Variants in MAP7D3 observed in about 807,000 individuals in gnomAD.
MAP7D3 encodes the protein MAP7 domain-containing protein 3.
Under a neutral mutation model 62.2 loss-of-function variants are expected in MAP7D3, and 45 were observed. That is an observed-to-expected ratio of 0.72 (90% CI 0.57 to 0.93). MAP7D3 has a LOEUF of 0.93. Ranked by LOEUF, MAP7D3 falls within the 40% of genes least tolerant of loss-of-function variation. MAP7D3 has a pLI of 0.00. For missense variants in MAP7D3, 711 were observed against 683.1 expected, an observed-to-expected ratio of 1.04 and a Z score of -0.45; for synonymous variants, 288 against 248.8, an observed-to-expected ratio of 1.16 and a Z score of -1.48.
At position 136,240,412 on chromosome X, in the gene MAP7D3, A is replaced by G. The variant is rs1265697932; in HGVS notation, c.610T>C (p.Ser204Pro). 8.3e-7 allele frequency: 1 copy of G among 1,204,873 alleles called. No homozygotes were observed. Among genetic ancestry groups the G allele is most frequent in the East Asian group, 3.0e-5 (1 of 33,833 alleles). ...GCAACGGAATTTTGAAGGCCTGCAG[A>G]TGACAAAGGCATTTGTCTGATTAAA... ...SALIRQMPLS[S>P]AGLQNSVAKR... Residue 204 changes from serine to proline, a missense_variant, in exon 6 of 19, where the codon TCT becomes CCT. Transcript: ENST00000316077.
At chrX:136,221,368 C>G (rs1283780446) in intron 15 of MAP7D3, among the ~76,000 whole-genome samples, 1 of 111,824 alleles carries the variant, frequency 8.9e-6, no homozygotes, top group Admixed American at 9.4e-5. Flanking sequence ...CTCTGTTGCC[C>G]AGGCTGGAGT....
At chrX:136,255,940 T>C, upstream of MAP7D3, 1 of 344,412 alleles carries the variant, frequency 2.9e-6, no homozygotes, top group Non-Finnish European at 3.8e-6. Flanking sequence ...TGAAGTTTTT[T>C]AAAAAATTGA....
chrX:136,223,018 G>A lies in MAP7D3; in HGVS notation c.2194-532C>T, dbSNP rs913891324. On this transcript the variant is annotated intron_variant, in intron 14 of 18. Coordinates refer to ENST00000316077, the MANE Select transcript of MAP7D3 (RefSeq NM_024597.4). ...AACACACCTGGCTAATTTTTAAACT[G>A]TTTTATAGAGACAAGGTCTCACTGT... is the stretch of plus-strand genomic sequence containing the variant. Among the ~76,000 whole-genome samples, 3 of 110,236 alleles carry A rather than the reference G, an allele frequency of 2.7e-5. No homozygotes were observed. The East Asian group carries it at 8.6e-4, about 32-fold the overall frequency.
intron 10 of MAP7D3, among the ~76,000 whole-genome samples, chrX:136,230,069 A>AATCCTCTC (rs2074248700): frequency 9.9e-6 from 1 of 100,562 alleles, no homozygotes; most frequent in Non-Finnish European, 2.0e-5. Flanking sequence ...TGGCTCAAGC[A>AATCCTCTC]ATCCTCTCAC....
At chrX:136,218,718 G>A (rs151182121) in intron 18 of MAP7D3, among the ~76,000 whole-genome samples, 2,804 of 111,525 alleles carry the variant, frequency 0.025, 81 homozygotes, top group African/African-American at 0.085. Context: ...AAAACAAGAG[G>A]CTTCTGGTTT....
upstream of MAP7D3, chrX:136,251,462 G>T (rs1329961473): frequency 1.3e-6 from 1 of 781,900 alleles, no homozygotes. Context: ...GCGGGGCGGG[G>T]CGGGGCGGGG....
chrX:136,229,993 A>ATTTT (rs1173283842), intron 10 of MAP7D3, among the ~76,000 whole-genome samples: 4 of 48,100 alleles, frequency 8.3e-5, no homozygotes, highest in African/African-American at 3.7e-4. Flanking sequence ...ATATATATAT[A>ATTTT]TTTTTTTTTT....
intron 11 of MAP7D3, among the ~76,000 whole-genome samples, chrX:136,228,121 A>G (rs2074220141): frequency 8.9e-6 from 1 of 112,309 alleles, no homozygotes; most frequent in South Asian, 3.7e-4. Flanking sequence ...ACACAACTGT[A>G]CATGAGATTT....
At chrX:136,244,881 T>TA in intron 3 of MAP7D3, 86 bp from the exon 4 acceptor site, 1 of 641,807 alleles carries the variant, frequency 1.6e-6, no homozygotes, top group African/African-American at 2.2e-5. Context: ...AGGAAAAAGT[T>TA]AACACATCTC....
chrX:136,223,896 T>C (rs1432017747), intron 14 of MAP7D3, among the ~76,000 whole-genome samples: 1 of 106,858 alleles, frequency 9.4e-6, no homozygotes, highest in Non-Finnish European at 1.9e-5. Context: ...AAATAAAAAA[T>C]AAAAAATTAG....
Position 136,230,604 on chromosome X carries a change from G to A in MAP7D3, c.1542-11C>T, listed in dbSNP as rs753461413. The A allele has an allele frequency of 2.8e-5, 30 of 1,090,846 alleles. No individual in the cohort carries two copies. The Admixed American group carries it at 6.5e-4, about 24-fold the overall frequency. 89.9% of individuals were successfully genotyped at this position (1,090,846 alleles called of 1,213,427 possible). The stretch of plus-strand genomic sequence containing the variant: ...TTTTGGATTTGCCTGCTGAGAAAAA[G>A]TAATACACATTTGCTAATTAATTTT... On this transcript the variant is annotated splice_polypyrimidine_tract_variant and intron_variant, in intron 9 of 18. Coordinates refer to ENST00000316077, the MANE Select transcript of MAP7D3 (RefSeq NM_024597.4).
In MAP7D3 at chrX:136,220,294, T is replaced by TA. The variant is rs748072086; in HGVS notation, c.2486+470dup. Reference sequence around the variant, plus strand: ...GCCAACATGGTGAAACCTCAACTCTTAAAAAAAAAATGAAAAATAAAAAAA... The same window carrying TA: ...GCCAACATGGTGAAACCTCAACTCTTAAAAAAAAAAATGAAAAATAAAAAAA... On this transcript the variant is annotated intron_variant, in intron 16 of 18. Transcript: ENST00000316077. 7.4e-4 allele frequency among the ~76,000 whole-genome samples: 79 copies of TA among 106,924 alleles called. 1 individual carries two copies. In the South Asian group the frequency reaches 0.015, roughly 21 times the overall value. 92.9% of individuals were successfully genotyped at this position (106,924 alleles called of 115,157 possible).
At chrX:136,240,064 C>A (rs2074371235) in intron 6 of MAP7D3, among the ~76,000 whole-genome samples, 1 of 110,595 alleles carries the variant, frequency 9.0e-6, no homozygotes, top group African/African-American at 3.3e-5. Context: ...CAAAAGTTAG[C>A]TGGGCGTGGT....
At chrX:136,253,698 A>G (rs976364493), upstream of MAP7D3, among the ~76,000 whole-genome samples, 9 of 112,061 alleles carry the variant, frequency 8.0e-5, no homozygotes, top group African/African-American at 2.9e-4. Context: ...AGGAAAATGC[A>G]CTTCTTCTTA....
chrX:136,224,849 T>C lies in MAP7D3; in HGVS notation c.2171A>G (p.Lys724Arg). ...TACCTTTGAGGCATTCACATCTGTC[T>C]TTCTTGTCCGCTTCATAATTTCTTC... ...RIEEIMKRTRKTDVNASKVTE... is the reference protein window; with the variant it reads ...RIEEIMKRTRRTDVNASKVTE... Residue 724 changes from lysine (K) to arginine (R), a missense_variant, in exon 14 of 19, where the codon AAG becomes AGG. Lys to Arg is a conservative substitution (Grantham distance 26, BLOSUM62 2). Coordinates refer to ENST00000316077, the MANE Select transcript of MAP7D3 (RefSeq NM_024597.4). 8.5e-7 allele frequency: 1 copy of C among 1,178,998 alleles called. No individual in the cohort carries two copies.
chrX:136,225,467 G>A (rs992457114), intron 13 of MAP7D3, among the ~76,000 whole-genome samples: 1 of 111,707 alleles, frequency 9.0e-6, no homozygotes, highest in African/African-American at 3.3e-5. Context: ...CCTGGACCAG[G>A]GCTGCAGATG....
intron 1 of MAP7D3, among the ~76,000 whole-genome samples, chrX:136,247,621 G>A (rs903811237): frequency 9.6e-6 from 1 of 103,782 alleles, no homozygotes; most frequent in Non-Finnish European, 1.9e-5. Context: ...CCCAGAGGCC[G>A]AACAGCCCAG....
intron 14 of MAP7D3, 56 bp from the exon 15 acceptor site, chrX:136,222,542 G>C (rs1469123486): frequency 2.1e-6 from 2 of 972,175 alleles, no homozygotes; most frequent in African/African-American, 3.8e-5. Context: ...TCCTGGTTTA[G>C]AATTTCAACA....
At chrX:136,233,175 AT>A (rs1248001672) in intron 7 of MAP7D3, among the ~76,000 whole-genome samples, 9 of 111,771 alleles carry the variant, frequency 8.1e-5, no homozygotes, top group Non-Finnish European at 1.5e-4. Context: ...GTGAAAAAAA[AT>A]AAATGCAAAG....
Sources: allele counts gnomAD v4.1 joint callset (sites outside exome capture counted in the v4.1 genomes callset), GRCh38; gene constraint gnomAD v4.1.1; transcripts MANE v1.5; gene names NCBI Gene and HGNC (gene_info 2026-07-23, HGNC 2026-07-21).